The following GPATCH2 variants were observed in gnomAD, a reference collection of about 807,000 sequenced individuals.
GPATCH2 encodes the protein G patch domain-containing protein 2.
In GPATCH2, 51 loss-of-function variants were observed where a neutral mutation model predicts 58.0. The observed-to-expected ratio is 0.88, with a 90% CI of 0.70 to 1.11. GPATCH2 has a LOEUF of 1.11. Ranked by LOEUF, GPATCH2 falls within the 50% of genes most tolerant of loss-of-function variation. GPATCH2 has a pLI of 0.00. For synonymous variants in GPATCH2, 222 were observed against 218.5 expected, an observed-to-expected ratio of 1.02 and a Z score of -0.14; for missense variants, 625 against 652.2, an observed-to-expected ratio of 0.96 and a Z score of 0.45.
At chr1:217,506,641 C>T (rs538240631) in intron 6 of GPATCH2, among the ~76,000 whole-genome samples, 2 of 152,274 alleles carry the variant, frequency 1.3e-5, no homozygotes, top group South Asian at 2.1e-4. Flanking sequence ...AAACCAAAAC[C>T]TTAAGTGGTT....
intron 9 of GPATCH2, among the ~76,000 whole-genome samples, chr1:217,447,600 T>C (rs1483148390): frequency 6.6e-6 from 1 of 152,152 alleles, no homozygotes; most frequent in Non-Finnish European, 1.5e-5. Flanking sequence ...GCAAATATTA[T>C]TCTATACAAA....
intron 5 of GPATCH2, among the ~76,000 whole-genome samples, chr1:217,567,884 A>C: frequency 6.6e-6 from 1 of 152,226 alleles, no homozygotes; most frequent in East Asian, 1.9e-4. Context: ...TGGGAGGCCA[A>C]GGTGGGCGGA....
At chr1:217,607,929 T>C (rs888089536) in intron 5 of GPATCH2, among the ~76,000 whole-genome samples, 2 of 152,192 alleles carry the variant, frequency 1.3e-5, no homozygotes, top group African/African-American at 2.4e-5. Flanking sequence ...TGCAGCTCCA[T>C]GTGTTTTACT....
At chr1:217,592,402 T>G (rs1667634247) in intron 5 of GPATCH2, among the ~76,000 whole-genome samples, 1 of 151,938 alleles carries the variant, frequency 6.6e-6, no homozygotes, top group African/African-American at 2.4e-5. Flanking sequence ...CTCACTTTCA[T>G]TTTTAAAATT....
At chr1:217,571,099 T>G (rs962449790) in intron 5 of GPATCH2, among the ~76,000 whole-genome samples, 2 of 152,186 alleles carry the variant, frequency 1.3e-5, no homozygotes, top group Non-Finnish European at 2.9e-5. Context: ...AATGTATACT[T>G]CTCAAGTTTA....
Position 217,594,349 on chromosome 1 carries a change from T to C in GPATCH2, c.1098+15972A>G, listed in dbSNP as rs961052978. Among the ~76,000 whole-genome samples, 53 of 152,264 alleles carry C rather than the reference T, an allele frequency of 3.5e-4. 1 individual carries two copies. Among genetic ancestry groups the C allele is most frequent in the Middle Eastern group, 3.4e-3 (1 of 294 alleles). ...ACTGCTGTTTAAAAAAAGTATATTT[T>C]ATTATTAAATCAAAATAACCAACAG... is the stretch of plus-strand genomic sequence containing the variant. On this transcript the variant is annotated intron_variant, in intron 5 of 9. Transcript: ENST00000366935.
intron 5 of GPATCH2, among the ~76,000 whole-genome samples, chr1:217,555,808 C>T (rs1299559566): frequency 6.6e-6 from 1 of 152,184 alleles, no homozygotes; most frequent in Non-Finnish European, 1.5e-5. Flanking sequence ...TGAACATCTG[C>T]ACTTCACCTT....
chr1:217,567,025 C>T (rs1285415261), intron 5 of GPATCH2, among the ~76,000 whole-genome samples: 1 of 149,646 alleles, frequency 6.7e-6, no homozygotes, highest in African/African-American at 2.4e-5. Context: ...TAAAACATCA[C>T]TCAGCAAATA....
intron 5 of GPATCH2, among the ~76,000 whole-genome samples, chr1:217,535,079 T>C (rs1023815735): frequency 6.6e-6 from 1 of 152,222 alleles, no homozygotes; most frequent in Admixed American, 6.5e-5. Context: ...GACCCAATAA[T>C]GCTAGTTCTT....
chr1:217,515,361 G>A (rs1018419573), intron 5 of GPATCH2, among the ~76,000 whole-genome samples: 2 of 151,992 alleles, frequency 1.3e-5, no homozygotes, highest in African/African-American at 4.8e-5. Flanking sequence ...CTCCCAAAGT[G>A]TTGGGATTAC....
At chr1:217,516,231 TAA>T (rs35618356) in intron 5 of GPATCH2, among the ~76,000 whole-genome samples, 1 of 128,556 alleles carries the variant, frequency 7.8e-6, no homozygotes, top group Non-Finnish European at 1.7e-5. Context: ...ATTTTAATTT[TAA>T]AAAAAAACCC....
intron 2 of GPATCH2, among the ~76,000 whole-genome samples, chr1:217,617,503 T>G (rs1381585078): frequency 1.3e-5 from 2 of 152,110 alleles, no homozygotes; most frequent in Non-Finnish European, 2.9e-5. Flanking sequence ...GAGTAAATTG[T>G]AGTTAATCAT....
intron 5 of GPATCH2, among the ~76,000 whole-genome samples, chr1:217,588,311 G>C (rs1398926724): frequency 1.3e-5 from 2 of 152,126 alleles, no homozygotes; most frequent in Non-Finnish European, 2.9e-5. Flanking sequence ...TCTGATACCT[G>C]GCTAGCACTG....
intron 8 of GPATCH2, among the ~76,000 whole-genome samples, chr1:217,473,005 C>CTGTGGTGCGACTGGGCATG (rs1461383391): frequency 6.6e-6 from 1 of 152,160 alleles, no homozygotes; most frequent in African/African-American, 2.4e-5. Context: ...GATCCCTCAG[C>CTGTGGTGCGACTGGGCATG]TGTGGTGCGA....
At chr1:217,504,233 T>A (rs1348180784) in intron 6 of GPATCH2, among the ~76,000 whole-genome samples, 1 of 152,130 alleles carries the variant, frequency 6.6e-6, no homozygotes, top group Non-Finnish European at 1.5e-5. Context: ...GGGACAATGA[T>A]GTTGTAGGAA....
chr1:217,449,976 G>A (rs988652767), intron 8 of GPATCH2, among the ~76,000 whole-genome samples: 1 of 152,072 alleles, frequency 6.6e-6, no homozygotes, highest in East Asian at 1.9e-4. Flanking sequence ...AAACCGAGAA[G>A]TGGACCTTCT....
At chr1:217,604,065 T>C (rs939018993) in intron 5 of GPATCH2, among the ~76,000 whole-genome samples, 1 of 152,074 alleles carries the variant, frequency 6.6e-6, no homozygotes, top group Non-Finnish European at 1.5e-5. Context: ...AAGTGTCAGT[T>C]TCTGGCCGGG....
chr1:217,627,629 T>C (rs1458950375), intron 1 of GPATCH2, among the ~76,000 whole-genome samples: 1 of 152,110 alleles, frequency 6.6e-6, no homozygotes, highest in Non-Finnish European at 1.5e-5. Context: ...GCTTCTACTT[T>C]GTCACCTTTG....
intron 7 of GPATCH2, among the ~76,000 whole-genome samples, chr1:217,497,213 T>C (rs549619092): frequency 2.6e-5 from 4 of 152,250 alleles, no homozygotes; most frequent in African/African-American, 9.6e-5. Context: ...ATTGTAAGCA[T>C]TGTACATAGA....
Sources: allele counts gnomAD v4.1 joint callset (sites outside exome capture counted in the v4.1 genomes callset), GRCh38; gene constraint gnomAD v4.1.1; transcripts MANE v1.5; gene names NCBI Gene and HGNC (gene_info 2026-07-23, HGNC 2026-07-21).